The following POLB variants were observed in gnomAD, a reference collection of about 807,000 sequenced individuals.
POLB encodes the protein DNA polymerase beta, also known as 5'-dRP lyase.
In POLB, 37 loss-of-function variants were observed where a neutral mutation model predicts 52.7. The ratio of observed to expected loss-of-function variants is 0.70; its 90% CI spans 0.54 to 0.92. The LOEUF (loss-of-function observed/expected upper bound fraction) is 0.92. Ranked by LOEUF, POLB falls within the 40% of genes least tolerant of loss-of-function variation. The pLI is 0.00. For synonymous variants in POLB, 138 were observed against 131.3 expected, an observed-to-expected ratio of 1.05 and a Z score of -0.35; for missense variants, 313 against 400.8, an observed-to-expected ratio of 0.78 and a Z score of 1.87.
chr8:42,342,521 G>T, intron 2 of POLB: 1 of 869,090 alleles, frequency 1.2e-6, no homozygotes, highest in Non-Finnish European at 1.9e-6. Flanking sequence ...TTTTTATCCT[G>T]TATTACCAAG....
chr8:42,344,820 CAA>C (rs371763819), intron 2 of POLB, 131 bp from the exon 3 acceptor site: 4 of 607,152 alleles, frequency 6.6e-6, no homozygotes, highest in East Asian at 2.9e-5. Flanking sequence ...TCAAAAAAAA[CAA>C]AAAAAAAGAA....
At chr8:42,342,009 C>G in intron 2 of POLB, 1 of 765,480 alleles carries the variant, frequency 1.3e-6, no homozygotes, top group Non-Finnish European at 2.4e-6. Context: ...GCATCTTTAT[C>G]TTCCATTAAG....
At chr8:42,366,096 T>C (rs1824019603) in intron 11 of POLB, among the ~76,000 whole-genome samples, 4 of 143,424 alleles carry the variant, frequency 2.8e-5, no homozygotes, top group Non-Finnish European at 6.0e-5. Flanking sequence ...CAAGACTCCC[T>C]CCCAAAGGAA....
chr8:42,354,884 A>G (rs1254029584), intron 6 of POLB, among the ~76,000 whole-genome samples: 2 of 152,080 alleles, frequency 1.3e-5, no homozygotes, highest in African/African-American at 2.4e-5. Flanking sequence ...TCTACTACTC[A>G]GTGCTAATGG....
intron 9 of POLB, among the ~76,000 whole-genome samples, chr8:42,358,949 T>C (rs574387358): frequency 6.6e-6 from 1 of 152,362 alleles, no homozygotes; most frequent in African/African-American, 2.4e-5. Flanking sequence ...TGGGATTCTG[T>C]ATTTTCAAAA....
At chr8:42,363,333 C>G (rs1823833372) in intron 11 of POLB, among the ~76,000 whole-genome samples, 1 of 151,386 alleles carries the variant, frequency 6.6e-6, no homozygotes, top group South Asian at 2.1e-4. Context: ...TCAAGACCAT[C>G]CTGGCCAACA....
At chr8:42,367,201 T>C (rs562001164) in intron 11 of POLB, among the ~76,000 whole-genome samples, 6 of 152,178 alleles carry the variant, frequency 3.9e-5, no homozygotes, top group Non-Finnish European at 8.8e-5. Flanking sequence ...GTAAAACTCA[T>C]ATTTGAGGAC....
In POLB at chr8:42,338,508, C is replaced by CGCGCCGGAGCTGGGTT; in HGVS notation, c.-114_-99dup. On this transcript the variant is annotated 5_prime_UTR_variant, in exon 1 of 14. Coordinates refer to ENST00000265421, the MANE Select transcript of POLB (RefSeq NM_002690.3). ...CGGGGGCAACCATTGTTCCGCCGGT[C>CGCGCCGGAGCTGGGTT]GCGCCGGAGCTGGGTTGCTCCTGCT... 1 of 867,974 alleles carries CGCGCCGGAGCTGGGTT rather than the reference C, an allele frequency of 1.2e-6. No individual in the cohort carries two copies. The highest frequency in any genetic ancestry group is 1.9e-6 in the Non-Finnish European group (1 of 519,106). The allele number at this position is 867,974 out of a possible 1,614,324, so 53.8% of individuals were successfully genotyped here. A position where few individuals can be genotyped will look rare whatever the true frequency, so the allele number is the denominator to read the frequency against.
intron 2 of POLB, among the ~76,000 whole-genome samples, chr8:42,340,582 G>C (rs1287748154): frequency 6.6e-6 from 1 of 152,222 alleles, no homozygotes; most frequent in Non-Finnish European, 1.5e-5. Context: ...GTTCCGGGGA[G>C]TCTGCCTGCC....
chr8:42,342,139 G>A, intron 2 of POLB: 2 of 1,453,634 alleles, frequency 1.4e-6, no homozygotes. Flanking sequence ...GGATAGACAA[G>A]CCTCCATCCA....
chr8:42,362,586 C>T, intron 10 of POLB, 26 bp from the exon 11 acceptor site: 1 of 1,368,808 alleles, frequency 7.3e-7, no homozygotes, highest in South Asian at 1.2e-5. Context: ...TACTCTTTTT[C>T]TTATTCCCTA....
intron 2 of POLB, chr8:42,339,597 C>G (rs1302519451): frequency 1.3e-5 from 2 of 152,452 alleles, no homozygotes; most frequent in Non-Finnish European, 2.9e-5. Context: ...GAGACGGGGT[C>G]TCGCTGTGGT....
At chr8:42,369,135 A>G in intron 11 of POLB, 136 bp from the exon 12 acceptor site, 1 of 579,528 alleles carries the variant, frequency 1.7e-6, no homozygotes, top group South Asian at 2.3e-5. Flanking sequence ...TTGCTCACAG[A>G]AGCTGCTAAG....
chr8:42,359,719 A>G lies in POLB; in HGVS notation c.551-1576A>G, dbSNP rs139427777. 2.6e-3 allele frequency among the ~76,000 whole-genome samples: 386 copies of G among 150,020 alleles called. 10 individuals are homozygous for G. The East Asian group carries it at 0.066, about 26-fold the overall frequency. On this transcript the variant is annotated intron_variant, in intron 9 of 13. Transcript: ENST00000265421. ...CAGTTGCATGCATGTATCATACTTC[A>G]TTTGTTTATCCAGTCCGCTATTAAT...
At chr8:42,355,284 C>T (rs549225904) in intron 6 of POLB, among the ~76,000 whole-genome samples, 11 of 152,158 alleles carry the variant, frequency 7.2e-5, no homozygotes, top group South Asian at 6.2e-4. Context: ...GTGATCCGCC[C>T]GCCTCGGCCT....
chr8:42,343,345 AATAT>A lies in POLB; in HGVS notation c.120-1586_120-1583del, dbSNP rs1554531634. On this transcript the variant is annotated intron_variant, in intron 2 of 13. Coordinates refer to ENST00000265421, the MANE Select transcript of POLB (RefSeq NM_002690.3). ...TCAAAAAAAAAAAAAAAAAAAAAAA[AATAT>A]ATATATATATATATATATATACACA... 3.0e-3 allele frequency among the ~76,000 whole-genome samples: 99 copies of A among 33,052 alleles called. 2 individuals are homozygous for A. The highest frequency in any genetic ancestry group is 0.011 in the South Asian group (8 of 754). The allele number at this position is 33,052 out of a possible 152,430, so 21.7% of individuals were successfully genotyped here.
intron 5 of POLB, among the ~76,000 whole-genome samples, chr8:42,350,358 A>G (rs1032134833): frequency 6.6e-6 from 1 of 152,010 alleles, no homozygotes; most frequent in Non-Finnish European, 1.5e-5. Flanking sequence ...GTGTGCATCT[A>G]TTTCCTGCTC....
At chr8:42,342,283 A>C in intron 2 of POLB, 1 of 1,536,484 alleles carries the variant, frequency 6.5e-7, no homozygotes, top group Non-Finnish European at 8.9e-7. Flanking sequence ...GCCTTCATAG[A>C]TCTTGTCCAT....
chr8:42,341,657 A>G (rs1452883781), intron 2 of POLB: 1 of 232,172 alleles, frequency 4.3e-6, no homozygotes, highest in East Asian at 1.1e-4. Flanking sequence ...GGAGGTGGGC[A>G]AGAATTACAG....
Sources: allele counts gnomAD v4.1 joint callset (sites outside exome capture counted in the v4.1 genomes callset), GRCh38; gene constraint gnomAD v4.1.1; transcripts MANE v1.5; gene names NCBI Gene and HGNC (gene_info 2026-07-23, HGNC 2026-07-21).